LRRFIP1: variants seen among roughly 807,000 people sequenced by gnomAD.
LRRFIP1 encodes the protein leucine-rich repeat flightless-interacting protein 1.
Under a neutral mutation model 104.4 loss-of-function variants are expected in LRRFIP1, and 62 were observed. The ratio of observed to expected loss-of-function variants is 0.59; its 90% CI spans 0.48 to 0.73. The LOEUF (loss-of-function observed/expected upper bound fraction) is 0.73. LRRFIP1 is among the 30% of genes least tolerant of loss of function. The probability of loss-of-function intolerance (pLI) is 0.00; values close to 1 mark genes in which losing one functional copy is unlikely to be tolerated. For synonymous variants in LRRFIP1, 300 were observed against 299.0 expected (o/e 1.00, Z -0.03); for missense variants, 796 against 824.5 (o/e 0.97, Z 0.42).
chr2:237,740,766 G>C (rs2095392139), intron 11 of LRRFIP1, among the ~76,000 whole-genome samples: 1 of 152,162 alleles, frequency 6.6e-6, no homozygotes, highest in South Asian at 2.1e-4. Context: ...CTGGCCACTT[G>C]ACTCTGAGGC....
chr2:237,719,512 T>G lies in LRRFIP1; in HGVS notation c.250-11T>G. On this transcript the variant is annotated splice_polypyrimidine_tract_variant and intron_variant, in intron 4 of 23. Coordinates refer to ENST00000308482, the MANE Select transcript of LRRFIP1 (RefSeq NM_001137550.2). The stretch of plus-strand genomic sequence containing the variant: ...GTCTCTAACCTTTTCATGCTGTTTC[T>G]TCATTGTTAGGAAGACAGTGAGCGC... 1 of 1,611,882 alleles carries G rather than the reference T, an allele frequency of 6.2e-7. No individual in the cohort carries two copies. Among genetic ancestry groups the G allele is most frequent in the East Asian group, 2.2e-5 (1 of 44,852 alleles).
chr2:237,631,603 T>G (rs77427498), intron 1 of LRRFIP1, among the ~76,000 whole-genome samples: 5,785 of 152,272 alleles, frequency 0.038, 161 homozygotes, highest in Admixed American at 0.057. Flanking sequence ...CTCCCACTTC[T>G]GGGGAGGGGT....
At chr2:237,633,516 T>G (rs2082681988) in intron 1 of LRRFIP1, among the ~76,000 whole-genome samples, 1 of 145,738 alleles carries the variant, frequency 6.9e-6, no homozygotes, top group Non-Finnish European at 1.5e-5. Flanking sequence ...GGTTGGGATG[T>G]GTGTGTGGAG....
intron 1 of LRRFIP1, among the ~76,000 whole-genome samples, chr2:237,705,866 C>T (rs148225118): frequency 1.7e-4 from 26 of 152,304 alleles, no homozygotes; most frequent in African/African-American, 5.8e-4. Flanking sequence ...CAGCCAGGGG[C>T]TGCTCTCAGC....
chr2:237,683,668 T>G (rs1466423250), intron 1 of LRRFIP1, among the ~76,000 whole-genome samples: 1 of 152,260 alleles, frequency 6.6e-6, no homozygotes, highest in Non-Finnish European at 1.5e-5. Context: ...GTTTTTAGTG[T>G]TATGCCGAAG....
At position 237,668,776 on chromosome 2, in the gene LRRFIP1, TA is replaced by T. The variant is rs143041780; in HGVS notation, c.97-39766del. ...TAAATGAAGAAATCAGCAACAAGGG[TA>T]ATTGTTGCTGAAAGAAAATATTTAT... On this transcript the variant is annotated intron_variant, in intron 1 of 23. Coordinates refer to ENST00000308482, the MANE Select transcript of LRRFIP1 (RefSeq NM_001137550.2). 5.8e-3 allele frequency among the ~76,000 whole-genome samples: 887 copies of T among 152,268 alleles called. 8 individuals are homozygous for T. Among genetic ancestry groups the T allele is most frequent in the East Asian group, 0.049 (253 of 5,170 alleles).
intron 1 of LRRFIP1, among the ~76,000 whole-genome samples, chr2:237,638,616 G>T (rs2083438064): frequency 6.6e-6 from 1 of 152,194 alleles, no homozygotes; most frequent in Non-Finnish European, 1.5e-5. Context: ...AGTGCACTGT[G>T]GTAGCCACTA....
At chr2:237,738,106 C>T (rs1200186028) in intron 10 of LRRFIP1, among the ~76,000 whole-genome samples, 1 of 152,098 alleles carries the variant, frequency 6.6e-6, no homozygotes, top group Non-Finnish European at 1.5e-5. Context: ...ATCATGAGCA[C>T]CCCTGAAGAT....
intron 1 of LRRFIP1, among the ~76,000 whole-genome samples, chr2:237,669,980 G>A (rs916146525): frequency 1.3e-4 from 20 of 152,188 alleles, no homozygotes; most frequent in African/African-American, 4.8e-4. Flanking sequence ...TTGAATATTA[G>A]ACACCATATC....
At chr2:237,744,711 A>G (rs1159836455) in intron 11 of LRRFIP1, among the ~76,000 whole-genome samples, 1 of 152,272 alleles carries the variant, frequency 6.6e-6, no homozygotes, top group Non-Finnish European at 1.5e-5. Flanking sequence ...TACAACACAC[A>G]TACTTTGTAA....
chr2:237,628,723 C>A (rs2081943955), intron 1 of LRRFIP1, among the ~76,000 whole-genome samples: 1 of 152,230 alleles, frequency 6.6e-6, no homozygotes, highest in Non-Finnish European at 1.5e-5. Flanking sequence ...ACAGGAAACA[C>A]CTCCAAGCCA....
rs2060773725 is a variant in LRRFIP1, at chr2:237,772,907, G to A, written c.1669G>A (p.Ala557Thr). 6.2e-7 allele frequency: 1 copy of A among 1,613,844 alleles called. No individual in the cohort carries two copies. The highest frequency in any genetic ancestry group is 8.5e-7 in the Non-Finnish European group (1 of 1,179,834). Residue 557 changes from alanine to threonine, a missense_variant, in exon 22 of 24, where the codon GCA (alanine) becomes ACA (threonine). Transcript: ENST00000308482. ...GATCAGCGACCTCAAATTTAAACTT[G>A]CAAAATCTGAGCAAGAGATAACTGC... ...RQISDLKFKL[A>T]KSEQEITALE... is the part of the protein sequence containing the mutation.
At chr2:237,629,940 G>A (rs2082117107) in intron 1 of LRRFIP1, among the ~76,000 whole-genome samples, 1 of 152,120 alleles carries the variant, frequency 6.6e-6, no homozygotes, top group Admixed American at 6.5e-5. Flanking sequence ...AGCCAGCTGT[G>A]CCATCCTAGG....
intron 1 of LRRFIP1, chr2:237,692,220 G>C: frequency 9.2e-7 from 1 of 1,091,016 alleles, no homozygotes; most frequent in Non-Finnish European, 1.1e-6. Context: ...TCCACCCCGA[G>C]CCCGACTCAG....
chr2:237,728,010 C>T (rs961044004), intron 8 of LRRFIP1, 75 bp downstream of exon 8: 2 of 1,076,928 alleles, frequency 1.9e-6, no homozygotes, highest in Non-Finnish European at 1.4e-6. Flanking sequence ...AAACTAATTG[C>T]TAAATTTAAA....
rs566049422 is a variant in LRRFIP1, at chr2:237,705,753, G to A, written c.97-2791G>A. Among the ~76,000 whole-genome samples, 3 of 152,310 alleles carry A rather than the reference G, an allele frequency of 2.0e-5. No individual in the cohort carries two copies. In the South Asian group the frequency reaches 6.2e-4, roughly 32 times the overall value. On this transcript the variant is annotated intron_variant, in intron 1 of 23. Transcript: ENST00000308482. ...CAACCAAGGTGTCGGCCAGTCTGGG[G>A]TCTTTCTGGAGTTCAGGCCCCTCTT...
rs1314523473 is a variant in LRRFIP1, at chr2:237,772,187, T to C, written c.1616T>C (p.Met539Thr). 3 of 1,611,696 alleles carry C rather than the reference T, an allele frequency of 1.9e-6. No homozygotes were observed. The highest frequency in any genetic ancestry group is 1.3e-5 in the African/African-American group (1 of 74,890). ...GAAAACGGGACAGACATGCATGTAATGGACCTACAAAGTAAATGTCAATTC... is the reference window on the plus strand; with the variant it reads ...GAAAACGGGACAGACATGCATGTAACGGACCTACAAAGTAAATGTCAATTC... ...VLENGTDMHVMDLQRDANRQI... is the reference protein window; with the variant it reads ...VLENGTDMHVTDLQRDANRQI... The change falls in exon 21 of 24, where the codon ATG becomes ACG. Residue 539 changes from methionine (M) to threonine (T), a missense_variant. Physicochemically the swap from Met to Thr is moderately conservative, Grantham distance 81. Transcript: ENST00000308482.
intron 1 of LRRFIP1, among the ~76,000 whole-genome samples, chr2:237,695,296 C>A (rs1454699174): frequency 2.0e-5 from 3 of 152,224 alleles, no homozygotes; most frequent in Middle Eastern, 3.4e-3. Flanking sequence ...TAGCAAATTT[C>A]AAAAAACCCT....
At chr2:237,767,409 T>G (rs2060313275) in intron 19 of LRRFIP1, among the ~76,000 whole-genome samples, 1 of 152,166 alleles carries the variant, frequency 6.6e-6, no homozygotes, top group South Asian at 2.1e-4. Context: ...TCAAAAAGCT[T>G]GGATATTTTT....
Sources: allele counts gnomAD v4.1 joint callset (sites outside exome capture counted in the v4.1 genomes callset), GRCh38; gene constraint gnomAD v4.1.1; transcripts MANE v1.5; gene names NCBI Gene and HGNC (gene_info 2026-07-23, HGNC 2026-07-21).